PPP2R5E: variants seen among roughly 807,000 people sequenced by gnomAD.
PPP2R5E encodes the protein serine/threonine-protein phosphatase 2A 56 kDa regulatory subunit epsilon isoform.
In PPP2R5E, 4 loss-of-function variants were observed where a neutral mutation model predicts 65.3. The ratio of observed to expected loss-of-function variants is 0.06; its 90% CI spans 0.03 to 0.14. PPP2R5E has a LOEUF of 0.14. PPP2R5E is among the 10% of genes least tolerant of loss of function. The pLI is 1.00. For synonymous variants in PPP2R5E, 183 were observed against 187.4 expected (o/e 0.98, Z 0.19); for missense variants, 274 against 556.1 (o/e 0.49, Z 5.10).
intron 10 of PPP2R5E, among the ~76,000 whole-genome samples, chr14:63,391,580 C>T (rs193264228): frequency 1.9e-4 from 29 of 152,292 alleles, no homozygotes; most frequent in Admixed American, 1.6e-3. Context: ...TGCGCCACCA[C>T]GCCTGGCTAA....
chr14:63,465,031 GA>G (rs34190976), intron 2 of PPP2R5E, among the ~76,000 whole-genome samples: 4,466 of 120,494 alleles, frequency 0.037, 198 homozygotes, highest in African/African-American at 0.1. Context: ...TCAAGAAGAA[GA>G]AAAAAAAAAA....
intron 3 of PPP2R5E, among the ~76,000 whole-genome samples, chr14:63,444,393 T>C (rs761032628): frequency 6.6e-6 from 1 of 152,322 alleles, no homozygotes; most frequent in Non-Finnish European, 1.5e-5. Flanking sequence ...TTTACTACTA[T>C]ATATATGACA....
At chr14:63,458,508 T>C (rs1889268429) in intron 2 of PPP2R5E, among the ~76,000 whole-genome samples, 1 of 152,120 alleles carries the variant, frequency 6.6e-6, no homozygotes, top group South Asian at 2.1e-4. Flanking sequence ...TTGTTAAAAA[T>C]CAGAACGTTA....
At chr14:63,378,704 T>C (rs1884134113) in intron 13 of PPP2R5E, among the ~76,000 whole-genome samples, 1 of 152,236 alleles carries the variant, frequency 6.6e-6, no homozygotes. Flanking sequence ...CACACTGTCA[T>C]GCAGGGGATA....
At chr14:63,422,238 C>A in intron 3 of PPP2R5E, 144 bp from the exon 4 acceptor site, 1 of 668,640 alleles carries the variant, frequency 1.5e-6, no homozygotes, top group South Asian at 1.9e-5. Flanking sequence ...TTTCTATAGG[C>A]TCTGAGGTGG....
intron 13 of PPP2R5E, among the ~76,000 whole-genome samples, chr14:63,378,562 C>G (rs1009785913): frequency 6.6e-5 from 10 of 152,184 alleles, no homozygotes; most frequent in African/African-American, 2.4e-4. Context: ...GAGCATTATG[C>G]TCAGTTATCA....
intron 2 of PPP2R5E, among the ~76,000 whole-genome samples, chr14:63,455,817 G>C (rs1289360214): frequency 2.0e-5 from 3 of 152,062 alleles, no homozygotes; most frequent in South Asian, 2.1e-4. Context: ...TGCTGCAAAG[G>C]GGGCAAGAAA....
intron 2 of PPP2R5E, among the ~76,000 whole-genome samples, chr14:63,467,525 T>A (rs1889897317): frequency 6.6e-6 from 1 of 152,196 alleles, no homozygotes. Flanking sequence ...TATATAACTC[T>A]ATCTTCCACT....
intron 2 of PPP2R5E, among the ~76,000 whole-genome samples, chr14:63,529,561 T>G (rs1004152140): frequency 6.6e-6 from 1 of 150,542 alleles, no homozygotes; most frequent in Admixed American, 6.7e-5. Context: ...GTATTTTTAG[T>G]AGACACGGGT....
chr14:63,467,221 T>TAAAAAA, intron 2 of PPP2R5E, among the ~76,000 whole-genome samples: 1 of 91,852 alleles, frequency 1.1e-5, no homozygotes, highest in Non-Finnish European at 2.1e-5. Flanking sequence ...AGACTCCGTC[T>TAAAAAA]CAAAAAAAAC....
intron 3 of PPP2R5E, among the ~76,000 whole-genome samples, chr14:63,428,295 T>C (rs1051971184): frequency 6.6e-6 from 1 of 152,174 alleles, no homozygotes; most frequent in African/African-American, 2.4e-5. Flanking sequence ...TGGCACCTAA[T>C]ATACAATAAA....
chr14:63,420,844 A>T lies in PPP2R5E; in HGVS notation c.456+1149T>A, dbSNP rs577185179. On this transcript the variant is annotated intron_variant, in intron 4 of 13. Transcript: ENST00000337537. Reference sequence around the variant, plus strand: ...GAGGCGGGCGGATCACGAGGTCAAGAGATCGAGACCATCCCGGCTAAAACG... The same window carrying T: ...GAGGCGGGCGGATCACGAGGTCAAGTGATCGAGACCATCCCGGCTAAAACG... Among the ~76,000 whole-genome samples, 2 of 101,408 alleles carry T rather than the reference A, an allele frequency of 2.0e-5. 1 individual carries two copies. The highest frequency in any genetic ancestry group is 6.4e-4 in the East Asian group (2 of 3,110). 66.5% of individuals were successfully genotyped at this position (101,408 alleles called of 152,430 possible).
At chr14:63,460,568 C>T (rs1234644203) in intron 2 of PPP2R5E, among the ~76,000 whole-genome samples, 1 of 152,152 alleles carries the variant, frequency 6.6e-6, no homozygotes, top group Non-Finnish European at 1.5e-5. Context: ...TTAAAACTTA[C>T]AACAGTATAA....
chr14:63,511,904 C>T (rs1226851617), intron 2 of PPP2R5E, among the ~76,000 whole-genome samples: 1 of 151,714 alleles, frequency 6.6e-6, no homozygotes, highest in East Asian at 1.9e-4. Context: ...CATGGTGAAA[C>T]CCCATCTCTA....
At chr14:63,493,764 C>A (rs1373874193) in intron 2 of PPP2R5E, among the ~76,000 whole-genome samples, 3 of 152,054 alleles carry the variant, frequency 2.0e-5, no homozygotes, top group African/African-American at 7.2e-5. Context: ...TCAAATGACA[C>A]AGGATTCTTA....
At chr14:63,435,259 GA>G (rs1184354331) in intron 3 of PPP2R5E, among the ~76,000 whole-genome samples, 1 of 151,040 alleles carries the variant, frequency 6.6e-6, no homozygotes, top group Non-Finnish European at 1.5e-5. Context: ...TTTTTAAAGG[GA>G]AAAAAGTCAT....
intron 2 of PPP2R5E, among the ~76,000 whole-genome samples, chr14:63,525,977 C>T (rs1893169940): frequency 6.6e-6 from 1 of 152,148 alleles, no homozygotes; most frequent in African/African-American, 2.4e-5. Context: ...CTGCCTCAGC[C>T]TCCCAAGTAG....
At chr14:63,388,718 C>T (rs1044566726) in intron 11 of PPP2R5E, among the ~76,000 whole-genome samples, 1 of 152,172 alleles carries the variant, frequency 6.6e-6, no homozygotes, top group African/African-American at 2.4e-5. Context: ...GAAATCAAAA[C>T]AACAGCAGCA....
intron 2 of PPP2R5E, among the ~76,000 whole-genome samples, chr14:63,458,775 T>C (rs1889291572): frequency 6.6e-6 from 1 of 152,216 alleles, no homozygotes; most frequent in South Asian, 2.1e-4. Context: ...TAATGAACAA[T>C]ATTTATAATA....
Sources: allele counts gnomAD v4.1 joint callset (sites outside exome capture counted in the v4.1 genomes callset), GRCh38; gene constraint gnomAD v4.1.1; transcripts MANE v1.5; gene names NCBI Gene and HGNC (gene_info 2026-07-23, HGNC 2026-07-21).